The following FOXK2 variants were observed in gnomAD, a reference collection of about 807,000 sequenced individuals.
FOXK2 encodes forkhead box protein K2.
Under a neutral mutation model 53.3 loss-of-function variants are expected in FOXK2, and 24 were observed. The ratio of observed to expected loss-of-function variants is 0.45; its 90% CI spans 0.33 to 0.63. The LOEUF (loss-of-function observed/expected upper bound fraction) is 0.63, where lower values mean the gene tolerates loss of function less well. Among genes scored for constraint, FOXK2 ranks in the 30% least tolerant of loss-of-function variants. The pLI is 0.03. For missense variants in FOXK2, 952 were observed against 910.5 expected (o/e 1.05, Z -0.59); for synonymous variants, 505 against 407.1 (o/e 1.24, Z -2.89).
rs2044346173 is a variant in FOXK2 at position 82,520,206 on chromosome 17, C to T, written c.318C>T (p.Asp106=). The change falls in exon 1 of 9, where the codon GAC becomes GAT. Residue 106 remains aspartate (D), a synonymous_variant. Transcript: ENST00000335255. ...TGCCGCCCGCGCAGCCCAGGCCCGA[C>T]GCCGGCGGCGACTTCTACCTGCGCT... ...PELPPAQPRP[D]AGGDFYLRCL... is the part of the protein sequence containing the mutation. 7.5e-7 allele frequency: 1 copy of T among 1,328,910 alleles called. No homozygotes were observed. Among genetic ancestry groups the T allele is most frequent in the Non-Finnish European group, 9.6e-7 (1 of 1,040,882 alleles). 82.3% of individuals were successfully genotyped at this position (1,328,910 alleles called of 1,614,324 possible). A position where few individuals can be genotyped will look rare whatever the true frequency, so the allele number is the denominator to read the frequency against.
In FOXK2 at chr17:82,587,099, C is replaced by G; in HGVS notation, c.1613C>G (p.Thr538Arg). The change falls in exon 8 of 9, where the codon ACG becomes AGG. Residue 538 changes from threonine (T) to arginine (R), a missense_variant. Thr to Arg is a moderately conservative substitution (Grantham distance 71). This residue lies in a region of FOXK2 where 551 missense variants were observed against 385.1 expected (regional missense o/e 1.43). Coordinates refer to ENST00000335255, the MANE Select transcript of FOXK2 (RefSeq NM_004514.4). Reference sequence around the variant, plus strand: ...CCTATTCCCGCCATTGGCCACGCCACGCTCGGCACTGCCAGCCGGATCATT... The same window carrying G: ...CCTATTCCCGCCATTGGCCACGCCAGGCTCGGCACTGCCAGCCGGATCATT... The part of the protein sequence containing the change: ...VEPIPAIGHA[T>R]LGTASRIIQT... 6.2e-7 allele frequency: 1 copy of G among 1,613,062 alleles called. No homozygotes were observed. Among genetic ancestry groups the G allele is most frequent in the Non-Finnish European group, 8.5e-7 (1 of 1,180,016 alleles).
At chr17:82,559,472 G>A (rs999053045) in intron 1 of FOXK2, 5 of 456,374 alleles carry the variant, frequency 1.1e-5, no homozygotes, top group Non-Finnish European at 1.8e-5. Flanking sequence ...GTTTTAAGCC[G>A]TTAGGCTGGT....
intron 1 of FOXK2, among the ~76,000 whole-genome samples, chr17:82,533,349 G>T (rs531377120): frequency 6.6e-6 from 1 of 152,240 alleles, no homozygotes; most frequent in Non-Finnish European, 1.5e-5. Flanking sequence ...AATTAGCCAG[G>T]CATGGTAGCA....
chr17:82,571,137 G>C (rs2044913096), intron 3 of FOXK2, among the ~76,000 whole-genome samples: 1 of 152,198 alleles, frequency 6.6e-6, no homozygotes, highest in African/African-American at 2.4e-5. Flanking sequence ...TAGCTGACAG[G>C]ATCTGGTCGT....
In FOXK2 at chr17:82,587,211, A is replaced by G; in HGVS notation, c.1725A>G (p.Val575=). 6.2e-7 allele frequency: 1 copy of G among 1,613,112 alleles called. No individual in the cohort carries two copies. The highest frequency in any genetic ancestry group is 8.5e-7 in the Non-Finnish European group (1 of 1,180,018). ...AACACCAGCTACCAATAAAAACTGT[A>G]ACACAAAACGGCACTCACGTGGCAT... ...LGQHQLPIKT[V]TQNGTHVASV... is the part of the protein sequence containing the mutation. Residue 575 remains valine (V), a synonymous_variant, in exon 8 of 9, where the codon GTA becomes GTG. Transcript: ENST00000335255.
At position 82,592,716 on chromosome 17, in the gene FOXK2, TCTC is replaced by T. The variant is rs1157932869; in HGVS notation, c.1786+5448_1786+5450del. ...GTTGACTCCAGTGTTTCCTGGGGCA[TCTC>T]CTCAAGCTGGCTGGGGTTCTCTGCA... is the stretch of plus-strand genomic sequence containing the variant. On this transcript the variant is annotated intron_variant, in intron 8 of 8. Transcript: ENST00000335255. 2.0e-5 allele frequency among the ~76,000 whole-genome samples: 3 copies of T among 152,230 alleles called. No homozygotes were observed. The East Asian group carries it at 5.8e-4, about 29-fold the overall frequency.
intron 1 of FOXK2, among the ~76,000 whole-genome samples, chr17:82,528,603 G>A (rs750581416): frequency 1.4e-4 from 21 of 152,122 alleles, no homozygotes; most frequent in Non-Finnish European, 2.2e-4. Flanking sequence ...AATGTGAAGC[G>A]GGCTTTGAGC....
rs376524125 is a variant in FOXK2, at chr17:82,602,001, A to G, written c.*502A>G. On this transcript the variant is annotated 3_prime_UTR_variant, in exon 9 of 9. Coordinates refer to ENST00000335255, the MANE Select transcript of FOXK2 (RefSeq NM_004514.4). ...CATTTCTACTGAGACTTTCAGAATCACACAGGCCCTTTCCGTGGATTTCAT... is the reference window on the plus strand; with the variant it reads ...CATTTCTACTGAGACTTTCAGAATCGCACAGGCCCTTTCCGTGGATTTCAT... The G allele has an allele frequency of 6.5e-6, 1 of 153,560 alleles. No individual in the cohort carries two copies. The highest frequency in any genetic ancestry group is 1.5e-5 in the Non-Finnish European group (1 of 68,660). 9.5% of individuals were successfully genotyped at this position (153,560 alleles called of 1,614,324 possible).
chr17:82,599,313 C>T (rs1022455076), intron 8 of FOXK2: 10 of 152,120 alleles, frequency 6.6e-5, no homozygotes, highest in Admixed American at 3.3e-4. Context: ...CTGGCCAGTT[C>T]GAGACTGGTC....
chr17:82,562,058 G>T (rs933339698), intron 1 of FOXK2, among the ~76,000 whole-genome samples: 1 of 152,252 alleles, frequency 6.6e-6, no homozygotes, highest in Non-Finnish European at 1.5e-5. Flanking sequence ...TGGGTTCGTG[G>T]TGGGGACTTA....
At chr17:82,597,430 C>T (rs563115243) in intron 8 of FOXK2, among the ~76,000 whole-genome samples, 153 of 152,262 alleles carry the variant, frequency 1.0e-3, no homozygotes, top group Admixed American at 1.5e-3. Flanking sequence ...TCCCCAGCTC[C>T]GGCACCTCCA....
At chr17:82,586,548 C>CAGTGG (rs113255929) in intron 7 of FOXK2, among the ~76,000 whole-genome samples, 1 of 57,594 alleles carries the variant, frequency 1.7e-5, no homozygotes, top group Non-Finnish European at 3.1e-5. Flanking sequence ...CAAAGGTAGG[C>CAGTGG]GGAGGGGAAA....
chr17:82,525,475 G>A (rs769891007), intron 1 of FOXK2, among the ~76,000 whole-genome samples: 2 of 152,016 alleles, frequency 1.3e-5, no homozygotes, highest in African/African-American at 2.4e-5. Flanking sequence ...TACTGCGCCC[G>A]GTCGAGGACA....
chr17:82,587,034 T>C (rs1425549797), intron 7 of FOXK2, 29 bp from the exon 8 acceptor site: 3 of 1,602,008 alleles, frequency 1.9e-6, no homozygotes, highest in East Asian at 2.3e-5. Context: ...CCAGTAATAT[T>C]AATGTCGTTT....
chr17:82,527,532 G>A (rs1187483294), intron 1 of FOXK2, among the ~76,000 whole-genome samples: 2 of 152,104 alleles, frequency 1.3e-5, no homozygotes, highest in Admixed American at 6.5e-5. Context: ...AGGAGGCTGA[G>A]GCAGGATAAT....
At chr17:82,556,849 C>T (rs767895897) in intron 1 of FOXK2, among the ~76,000 whole-genome samples, 14 of 151,586 alleles carry the variant, frequency 9.2e-5, no homozygotes, top group African/African-American at 1.5e-4. Context: ...ATTACAGGCA[C>T]GTGTCACCAC....
intron 1 of FOXK2, among the ~76,000 whole-genome samples, chr17:82,545,395 T>C (rs576206324): frequency 3.3e-5 from 5 of 152,230 alleles, no homozygotes; most frequent in Non-Finnish European, 7.3e-5. Context: ...ACTGTGTTTC[T>C]GAGGTTAGTC....
chr17:82,540,449 T>C (rs926641003), intron 1 of FOXK2, among the ~76,000 whole-genome samples: 2 of 152,208 alleles, frequency 1.3e-5, no homozygotes, highest in East Asian at 3.8e-4. Flanking sequence ...GTAATCTGTT[T>C]GAAGCCTTTC....
intron 1 of FOXK2, among the ~76,000 whole-genome samples, chr17:82,550,922 A>G (rs2044670825): frequency 6.6e-6 from 1 of 152,254 alleles, no homozygotes; most frequent in South Asian, 2.1e-4. Flanking sequence ...CACTGCGTGC[A>G]GTAAGCGTGC....
Sources: gnomAD v4.1 joint callset for allele counts (sites outside exome capture counted in the v4.1 genomes callset) on GRCh38, gnomAD v4.1.1 for gene constraint, gnomAD v4.1.1 regional missense constraint, MANE v1.5 for transcripts, NCBI Gene and HGNC (gene_info 2026-07-23, HGNC 2026-07-21) for gene names.